Variants in SLC25A24 observed in about 807,000 individuals in gnomAD.
SLC25A24 encodes mitochondrial adenyl nucleotide antiporter SLC25A24.
SLC25A24 carries 49 observed loss-of-function variants against 60.7 expected under a neutral mutation model. That is an observed-to-expected ratio of 0.81 (90% CI 0.64 to 1.02). The LOEUF is 1.02. Ranked by LOEUF, SLC25A24 falls within the 50% of genes least tolerant of loss-of-function variation. The pLI, the probability that SLC25A24 is intolerant of heterozygous loss-of-function variation, is 0.00. For missense variants in SLC25A24, 564 were observed against 586.3 expected (o/e 0.96, Z 0.39); for synonymous variants, 202 against 200.6 (o/e 1.01, Z -0.06).
intron 3 of SLC25A24, among the ~76,000 whole-genome samples, chr1:108,173,808 A>G (rs1379430886): frequency 6.6e-6 from 1 of 152,212 alleles, no homozygotes; most frequent in African/African-American, 2.4e-5. Flanking sequence ...CCAGGCTGAG[A>G]TGATCTCAGA....
intron 3 of SLC25A24, among the ~76,000 whole-genome samples, chr1:108,172,908 C>CTAG (rs1426811667): frequency 3.3e-5 from 5 of 151,676 alleles, no homozygotes; most frequent in Non-Finnish European, 5.9e-5. Flanking sequence ...AGTATAAACA[C>CTAG]TAGTAATAAT....
rs576103290 is a variant in SLC25A24 at position 108,183,825 on chromosome 1, A to T, written c.311-1797T>A. On this transcript the variant is annotated intron_variant, in intron 2 of 9. Transcript: ENST00000565488. ...TATGAGAGCTGAAACAAGAAGGCAG[A>T]GTATTGCCTTATTCTACTAGCTAGG... is the stretch of plus-strand genomic sequence containing the variant. Among the ~76,000 whole-genome samples, 301 of 152,350 alleles carry T rather than the reference A, an allele frequency of 2.0e-3. 2 individuals are homozygous for T. Among genetic ancestry groups the T allele is most frequent in the African/African-American group, 6.7e-3 (279 of 41,588 alleles).
intron 1 of SLC25A24, 45 bp downstream of exon 1, chr1:108,199,911 C>T (rs1295492997): frequency 6.7e-7 from 1 of 1,500,638 alleles, no homozygotes; most frequent in Admixed American, 1.9e-5. Flanking sequence ...TCCCCAGCGC[C>T]CGCAGCCCTC....
At chr1:108,189,688 C>T (rs1158491543) in intron 1 of SLC25A24, among the ~76,000 whole-genome samples, 2 of 151,562 alleles carry the variant, frequency 1.3e-5, no homozygotes, top group African/African-American at 2.4e-5. Flanking sequence ...TGGTGGCACA[C>T]GCCTGTAGTC....
At chr1:108,150,988 G>GTCAGGAGGACCACTTGAGA (rs1553253467) in intron 6 of SLC25A24, among the ~76,000 whole-genome samples, 1 of 152,120 alleles carries the variant, frequency 6.6e-6, no homozygotes, top group Non-Finnish European at 1.5e-5. Flanking sequence ...ACCACTTGAG[G>GTCAGGAGGACCACTTGAGA]TCAGGAGTTT....
At chr1:108,167,472 G>C (rs1254283475) in intron 3 of SLC25A24, among the ~76,000 whole-genome samples, 2 of 152,308 alleles carry the variant, frequency 1.3e-5, no homozygotes, top group African/African-American at 4.8e-5. Context: ...CTCCGAGCCA[G>C]GTGCAGGATA....
At chr1:108,149,541 G>GTTA (rs899717842) in intron 6 of SLC25A24, among the ~76,000 whole-genome samples, 1 of 152,178 alleles carries the variant, frequency 6.6e-6, no homozygotes, top group East Asian at 1.9e-4. Context: ...TTCAGTAGAT[G>GTTA]TTATTATTAT....
intron 6 of SLC25A24, among the ~76,000 whole-genome samples, chr1:108,153,300 C>A (rs1350691506): frequency 1.3e-5 from 2 of 152,078 alleles, no homozygotes; most frequent in African/African-American, 4.8e-5. Context: ...AGATCTTTTT[C>A]TTAGTTTCCT....
rs1047873535 is a variant in SLC25A24, at chr1:108,159,672, C to T, written c.510+1510G>A. 6.6e-5 allele frequency among the ~76,000 whole-genome samples: 10 copies of T among 151,920 alleles called. No homozygotes were observed. The South Asian group carries it at 1.7e-3, about 25-fold the overall frequency. On this transcript the variant is annotated intron_variant, in intron 4 of 9. Coordinates refer to ENST00000565488, the MANE Select transcript of SLC25A24 (RefSeq NM_013386.5). ...ATTAGGGAGTGGTGATGACTCTTAA[C>T]GAGCCTGCTGCCTTCAAGCATCTGT...
chr1:108,169,189 A>T (rs1194680285), intron 3 of SLC25A24, among the ~76,000 whole-genome samples: 2 of 152,152 alleles, frequency 1.3e-5, no homozygotes, highest in African/African-American at 4.8e-5. Context: ...TTCTGTAGAA[A>T]CAGCACTGAC....
chr1:108,164,781 T>TGC (rs1558017252), intron 3 of SLC25A24, among the ~76,000 whole-genome samples: 1 of 109,898 alleles, frequency 9.1e-6, no homozygotes, highest in South Asian at 2.7e-4. Flanking sequence ...GGGTTTTTTG[T>TGC]CTCTATTTCC....
chr1:108,138,332 G>A (rs1679345217), intron 9 of SLC25A24, among the ~76,000 whole-genome samples: 1 of 152,204 alleles, frequency 6.6e-6, no homozygotes, highest in African/African-American at 2.4e-5. Flanking sequence ...TTGGAAGGGA[G>A]GTTGGGAATA....
intron 4 of SLC25A24, among the ~76,000 whole-genome samples, chr1:108,160,094 G>C (rs1680018549): frequency 6.6e-6 from 1 of 151,430 alleles, no homozygotes; most frequent in South Asian, 2.1e-4. Flanking sequence ...CGGGCGGGGG[G>C]CTGACCCCTC....
rs1049111759 is a variant in SLC25A24 at position 108,199,236 on chromosome 1, G to T, written c.183+720C>A. 3 of 152,304 alleles carry T rather than the reference G, an allele frequency of 2.0e-5. No individual in the cohort carries two copies. In the South Asian group the frequency reaches 6.2e-4, roughly 32 times the overall value. 9.4% of individuals were successfully genotyped at this position (152,304 alleles called of 1,614,324 possible). On this transcript the variant is annotated intron_variant, in intron 1 of 9. Transcript: ENST00000565488. ...GTAACCTAATCACTTTCCCTCTTTGGATAAGAGAATGCCAGTGTCAGGGAA... is the reference window on the plus strand; with the variant it reads ...GTAACCTAATCACTTTCCCTCTTTGTATAAGAGAATGCCAGTGTCAGGGAA...
intron 3 of SLC25A24, among the ~76,000 whole-genome samples, chr1:108,162,587 G>A (rs968310477): frequency 1.3e-5 from 2 of 152,020 alleles, no homozygotes; most frequent in African/African-American, 4.8e-5. Flanking sequence ...CTGCATAAAT[G>A]TCTTCTTTCG....
intron 7 of SLC25A24, among the ~76,000 whole-genome samples, chr1:108,145,038 C>T (rs1004006111): frequency 1.3e-5 from 2 of 152,182 alleles, no homozygotes; most frequent in Non-Finnish European, 2.9e-5. Flanking sequence ...CTAATTTACA[C>T]TCCCACCAAC....
chr1:108,195,244 G>T (rs1274120000), intron 1 of SLC25A24, among the ~76,000 whole-genome samples: 2 of 152,122 alleles, frequency 1.3e-5, no homozygotes, highest in African/African-American at 4.8e-5. Flanking sequence ...GGTGAGTTGG[G>T]GCCTTAAACA....
intron 4 of SLC25A24, among the ~76,000 whole-genome samples, chr1:108,158,361 G>A (rs899332944): frequency 3.9e-5 from 6 of 152,182 alleles, no homozygotes; most frequent in Non-Finnish European, 7.4e-5. Context: ...AGGCAAGAGT[G>A]CAACGGGGAG....
chr1:108,137,564 G>C (rs1411344479), intron 9 of SLC25A24, among the ~76,000 whole-genome samples: 1 of 152,206 alleles, frequency 6.6e-6, no homozygotes, highest in Non-Finnish European at 1.5e-5. Context: ...CTTTGGAACT[G>C]ACACCGAAAG....
Sources: gnomAD v4.1 joint callset for allele counts (sites outside exome capture counted in the v4.1 genomes callset) on GRCh38, gnomAD v4.1.1 for gene constraint, MANE v1.5 for transcripts, NCBI Gene and HGNC (gene_info 2026-07-23, HGNC 2026-07-21) for gene names.